The following C8A variants were observed in gnomAD, a reference collection of about 807,000 sequenced individuals.
C8A encodes the protein complement C8 alpha chain.
In C8A, 67 loss-of-function variants were observed where a neutral mutation model predicts 65.3. The observed-to-expected ratio is 1.03, with a 90% CI of 0.84 to 1.26. The LOEUF is 1.26. Ranked by LOEUF, C8A falls within the 50% of genes most tolerant of loss-of-function variation. C8A has a pLI of 0.00. For synonymous variants in C8A, 290 were observed against 259.4 expected, an observed-to-expected ratio of 1.12 and a Z score of -1.13; for missense variants, 781 against 723.9, an observed-to-expected ratio of 1.08 and a Z score of -0.90.
chr1:56,890,574 G>A (rs1325634996), intron 7 of C8A, among the ~76,000 whole-genome samples: 1 of 152,054 alleles, frequency 6.6e-6, no homozygotes, highest in Non-Finnish European at 1.5e-5. Context: ...ACTTGTCCAA[G>A]CCACCATTGT....
chr1:56,865,884 A>AG (rs1325216120), intron 1 of C8A, among the ~76,000 whole-genome samples: 2 of 152,206 alleles, frequency 1.3e-5, no homozygotes, highest in African/African-American at 4.8e-5. Flanking sequence ...GCACATACTC[A>AG]GTGAACCATT....
chr1:56,902,968 A>T (rs1451837942), intron 7 of C8A, among the ~76,000 whole-genome samples: 1 of 152,130 alleles, frequency 6.6e-6, no homozygotes, highest in African/African-American at 2.4e-5. Context: ...TTTACTAATT[A>T]TAATTTGTAC....
intron 1 of C8A, among the ~76,000 whole-genome samples, chr1:56,855,885 T>G (rs1192750374): frequency 2.0e-5 from 3 of 152,094 alleles, no homozygotes; most frequent in South Asian, 4.2e-4. Flanking sequence ...AAGCAGTTAA[T>G]TTGTAACTTG....
chr1:56,865,013 A>G (rs1292045551), intron 1 of C8A, among the ~76,000 whole-genome samples: 1 of 152,138 alleles, frequency 6.6e-6, no homozygotes, highest in Admixed American at 6.5e-5. Context: ...ACAAACAAAC[A>G]AAACTCCTAA....
Position 56,874,952 on chromosome 1 carries a change from C to T in C8A, c.175C>T (p.Arg59Ter), listed in dbSNP as rs1332885313. 1.6e-5 allele frequency: 26 copies of T among 1,613,364 alleles called. No individual in the cohort carries two copies. Among genetic ancestry groups the T allele is most frequent in the Admixed American group, 3.3e-5 (2 of 59,936 alleles). ...DCFPCQDKKY[R>*]HRSLLQPNKF... ...TCTTGTTCAAAATCTGGTTTAGTAC[C>T]GACACCGGAGCCTCTTGCAGCCAAA... Residue 59 changes from arginine to a stop codon, truncating the protein, a stop_gained, in exon 3 of 11, where the codon CGA (arginine) becomes TGA (stop). Coordinates refer to ENST00000361249, the MANE Select transcript of C8A (RefSeq NM_000562.3). LOFTEE classifies it high-confidence loss of function.
chr1:56,875,055 A>C lies in C8A; in HGVS notation c.278A>C (p.Gln93Pro), dbSNP rs780617622. The change falls in exon 3 of 11, where the codon CAA becomes CCA. Residue 93 changes from glutamine to proline, a missense_variant. Gln to Pro is a moderately conservative substitution (Grantham distance 76, BLOSUM62 -1). Transcript: ENST00000361249. ...TCCAGTTCTACAACTTGTGTAAGGC[A>C]AGCACAGTGTGGACAGGATTTCCAG... ...SCSSSTTCVR[Q>P]AQCGQDFQCK... 1.9e-6 allele frequency: 3 copies of C among 1,613,736 alleles called. No individual in the cohort carries two copies. Among genetic ancestry groups the C allele is most frequent in the Non-Finnish European group, 2.5e-6 (3 of 1,179,780 alleles).
At chr1:56,875,835 G>A (rs1001679603) in intron 3 of C8A, among the ~76,000 whole-genome samples, 1 of 152,066 alleles carries the variant, frequency 6.6e-6, no homozygotes, top group Non-Finnish European at 1.5e-5. Context: ...AGATTACTGG[G>A]GGCTGCAATG....
intron 6 of C8A, 38 bp downstream of exon 6, chr1:56,883,719 T>A (rs1341179657): frequency 1.3e-6 from 2 of 1,527,006 alleles, no homozygotes; most frequent in Admixed American, 1.7e-5. Context: ...CAGTATTCCA[T>A]AATATACACT....
At chr1:56,857,764 A>G (rs1643992289) in intron 1 of C8A, among the ~76,000 whole-genome samples, 1 of 151,610 alleles carries the variant, frequency 6.6e-6, no homozygotes, top group African/African-American at 2.4e-5. Context: ...CCAAGGTGGT[A>G]TGGTTCTGTG....
chr1:56,869,497 T>C (rs1259267168), intron 2 of C8A, among the ~76,000 whole-genome samples: 1 of 152,212 alleles, frequency 6.6e-6, no homozygotes, highest in Non-Finnish European at 1.5e-5. Context: ...CAGTCTCTTT[T>C]GTATATAATG....
In C8A at chr1:56,883,592, C is replaced by T. The variant is rs762824425; in HGVS notation, c.766C>T (p.Pro256Ser). The T allele has an allele frequency of 2.5e-6, 4 of 1,613,838 alleles. No homozygotes were observed. The highest frequency in any genetic ancestry group is 1.1e-5 in the South Asian group (1 of 91,076). ...ATTTGGAGTGACCATCGGCATAGGC[C>T]CAGCCGGCAGCCCTTTATTGGTGGG... ...DSFGVTIGIG[P>S]AGSPLLVGVG... The change falls in exon 6 of 11, where the codon CCA becomes TCA. Residue 256 changes from proline to serine, a missense_variant. Transcript: ENST00000361249.
intron 1 of C8A, among the ~76,000 whole-genome samples, chr1:56,865,320 G>A (rs182750224): frequency 2.0e-5 from 3 of 152,326 alleles, no homozygotes; most frequent in Admixed American, 2.0e-4. Flanking sequence ...AGACTGGGAA[G>A]TCCAAGATCA....
Position 56,869,849 on chromosome 1 carries a change from C to T in C8A, c.171+2147C>T, listed in dbSNP as rs115135233. Among the ~76,000 whole-genome samples the T allele has an allele frequency of 5.2e-3, 799 of 152,242 alleles. 4 individuals carry two copies. Among genetic ancestry groups the T allele is most frequent in the African/African-American group, 0.018 (764 of 41,560 alleles). ...TGCTTTTCTCTCACCTGAGTTCTTG[C>T]AGGGTTTGTGAATGGTCATCCTGCC... On this transcript the variant is annotated intron_variant, in intron 2 of 10. Transcript: ENST00000361249.
intron 9 of C8A, among the ~76,000 whole-genome samples, chr1:56,910,676 T>A (rs1380281746): frequency 6.6e-6 from 1 of 152,240 alleles, no homozygotes; most frequent in Non-Finnish European, 1.5e-5. Context: ...TCCCCTTGGC[T>A]GGGGACCCTA....
At chr1:56,856,970 T>A (rs1643983047) in intron 1 of C8A, among the ~76,000 whole-genome samples, 1 of 152,112 alleles carries the variant, frequency 6.6e-6, no homozygotes, top group South Asian at 2.1e-4. Context: ...ACACCTTTCA[T>A]TATGTGTGTT....
At chr1:56,864,210 A>G (rs1644062291) in intron 1 of C8A, among the ~76,000 whole-genome samples, 1 of 152,214 alleles carries the variant, frequency 6.6e-6, no homozygotes, top group Admixed American at 6.5e-5. Flanking sequence ...GATGAGAATG[A>G]AAGATACATA....
chr1:56,865,677 A>G (rs541190322), intron 1 of C8A, among the ~76,000 whole-genome samples: 2 of 152,318 alleles, frequency 1.3e-5, no homozygotes, highest in African/African-American at 4.8e-5. Flanking sequence ...CATGCATTGT[A>G]TAAAAAATGC....
chr1:56,885,327 TAA>T lies in C8A; in HGVS notation c.856-598_856-597del, dbSNP rs1491192265. ...ATATATTTACATAAATATATTTATT[TAA>T]ATATATATTTACATAAATATATATT... On this transcript the variant is annotated intron_variant, in intron 6 of 10. Transcript: ENST00000361249. 2.0e-3 allele frequency among the ~76,000 whole-genome samples: 250 copies of T among 125,834 alleles called. 18 individuals carry two copies. The highest frequency in any genetic ancestry group is 7.7e-3 in the African/African-American group (211 of 27,410). The allele number at this position is 125,834 out of a possible 152,430, so 82.6% of individuals were successfully genotyped here.
rs1620073 is a variant in C8A, at chr1:56,912,477, C to T, written c.1455C>T (p.Arg485=). 100,491 of 1,614,082 alleles carry T rather than the reference C, an allele frequency of 0.062. 4,779 individuals carry two copies. The highest frequency in any genetic ancestry group is 0.22 in the African/African-American group (16,569 of 74,984). Residue 485 remains arginine (R), a synonymous_variant, in exon 10 of 11, where the codon CGC becomes CGT. Coordinates refer to ENST00000361249, the MANE Select transcript of C8A (RefSeq NM_000562.3). ...AGGCCAAGCGCCAGAACCTGCGCCG[C>T]GCCTTGGACCAGTATCTGATGGAAT... ...PLEAKRQNLR[R]ALDQYLMEFN...
Sources: gnomAD v4.1 joint callset for allele counts (sites outside exome capture counted in the v4.1 genomes callset) on GRCh38, gnomAD v4.1.1 for gene constraint, MANE v1.5 for transcripts, NCBI Gene and HGNC (gene_info 2026-07-23, HGNC 2026-07-21) for gene names.